The following BICRA variants were observed in gnomAD, a reference collection of about 807,000 sequenced individuals.
BICRA encodes BRD4-interacting chromatin-remodeling complex-associated protein.
BICRA carries 31 observed loss-of-function variants against 96.9 expected under a neutral mutation model. That is an observed-to-expected ratio of 0.32 (90% CI 0.24 to 0.43). The LOEUF is 0.43. Ranked by LOEUF, BICRA falls within the 20% of genes least tolerant of loss-of-function variation. The pLI is 1.00. For missense variants in BICRA, 2,283 were observed against 2,190.3 expected (o/e 1.04, Z -0.84); for synonymous variants, 1,350 against 1,071.8 (o/e 1.26, Z -5.07).
At chr19:47,679,268 C>G in intron 5 of BICRA, 53 bp from the exon 6 acceptor site, 2 of 1,348,944 alleles carry the variant, frequency 1.5e-6, no homozygotes, top group Non-Finnish European at 1.9e-6. Flanking sequence ...GTGGCCTAAG[C>G]GTAGCCCCTT....
intron 1 of BICRA, among the ~76,000 whole-genome samples, chr19:47,615,124 C>T (rs1021786168): frequency 6.6e-6 from 1 of 152,180 alleles, no homozygotes; most frequent in African/African-American, 2.4e-5. Context: ...GCTGGGACTA[C>T]AGGTGCACGC....
intron 7 of BICRA, among the ~76,000 whole-genome samples, chr19:47,690,773 A>T (rs1973229250): frequency 6.9e-6 from 1 of 145,762 alleles, no homozygotes; most frequent in South Asian, 2.3e-4. Flanking sequence ...GTCATTTGGC[A>T]TGTGACTTAA....
At chr19:47,682,188 G>T in intron 7 of BICRA, 36 bp downstream of exon 7, 1 of 989,436 alleles carries the variant, frequency 1.0e-6, no homozygotes, top group South Asian at 1.6e-5. Flanking sequence ...CCGCAGCACA[G>T]ACCCAGCCTC....
chr19:47,651,533 T>C (rs1599818051), intron 1 of BICRA, among the ~76,000 whole-genome samples: 1 of 152,106 alleles, frequency 6.6e-6, no homozygotes, highest in Non-Finnish European at 1.5e-5. Context: ...AGGGTCTGAC[T>C]CCTGCCGGTA....
At chr19:47,697,723 CCA>C (rs1973369446) in intron 11 of BICRA, among the ~76,000 whole-genome samples, 1 of 152,066 alleles carries the variant, frequency 6.6e-6, no homozygotes, top group Non-Finnish European at 1.5e-5. Context: ...GGTGACCCAC[CCA>C]TCTCAGCCTC....
chr19:47,694,288 GCACCCTTGCCCCC>G lies in BICRA; in HGVS notation c.2463_2475del (p.Cys822ArgfsTer16). On this transcript the variant is annotated frameshift_variant, in exon 8 of 15. Transcript: ENST00000594866. LOFTEE classifies it high-confidence loss of function. ...CCCGCCCTCCCTCAGAGCCACCCTTGCACCCTTGCCCCCCACCCCAGGCCCCCCCAACTCTGCC... is the reference window on the plus strand; with the variant it reads ...CCCGCCCTCCCTCAGAGCCACCCTTGCACCCCAGGCCCCCCCAACTCTGCC... The G allele has an allele frequency of 1.6e-6, 1 of 637,382 alleles. No homozygotes were observed. Among genetic ancestry groups the G allele is most frequent in the South Asian group, 1.6e-5 (1 of 60,784 alleles). The allele number at this position is 637,382 out of a possible 1,614,324, so 39.5% of individuals were successfully genotyped here. A position where few individuals can be genotyped will look rare whatever the true frequency, so the allele number is the denominator to read the frequency against.
chr19:47,694,861 C>T, intron 8 of BICRA, 39 bp from the exon 9 acceptor site: 6 of 1,435,554 alleles, frequency 4.2e-6, no homozygotes, highest in Non-Finnish European at 5.6e-6. Flanking sequence ...TACACCTAGC[C>T]TATGTTCCCC....
rs778187260 is a variant in BICRA, at chr19:47,694,366, G to A, written c.2535G>A (p.Pro845=). The A allele has an allele frequency of 1.1e-5, 12 of 1,107,138 alleles. No homozygotes were observed. In the East Asian group the frequency reaches 1.3e-4, roughly 12 times the overall value. 68.6% of individuals were successfully genotyped at this position (1,107,138 alleles called of 1,614,324 possible). ...FVIQNQLGVP[P]PASNPAPTAP... is the part of the protein sequence containing the mutation. The stretch of plus-strand genomic sequence containing the variant: ...TCCAAAACCAGCTAGGCGTTCCCCC[G>A]CCTGCCAGCAACCCGGCCCCTACTG... The change falls in exon 8 of 15, where the codon CCG becomes CCA. Residue 845 remains proline, a synonymous_variant. Transcript: ENST00000594866.
intron 1 of BICRA, among the ~76,000 whole-genome samples, chr19:47,620,628 C>CCACTGCA (rs1972050007): frequency 2.1e-5 from 3 of 142,410 alleles, no homozygotes; most frequent in Non-Finnish European, 3.0e-5. Flanking sequence ...TGTGATCATA[C>CCACTGCA]CACTGCACTT....
chr19:47,654,546 A>T (rs1209829232), intron 1 of BICRA, among the ~76,000 whole-genome samples: 1 of 152,042 alleles, frequency 6.6e-6, no homozygotes, highest in Admixed American at 6.6e-5. Flanking sequence ...CAGTGGCACG[A>T]TCTCAGCTCA....
At position 47,679,834 on chromosome 19, in the gene BICRA, C is replaced by G; in HGVS notation, c.664C>G (p.Pro222Ala). The change falls in exon 6 of 15, where the codon CCT becomes GCT. Residue 222 changes from proline to alanine, a missense_variant. By Grantham distance (27) the Pro-to-Ala change is conservative. Transcript: ENST00000594866. ...CCTCCAAGGCCTGCCCAATGGCAGC[C>G]CTGGGGGTGCCACGGCGGCCACACT... ...PGLQGLPNGSPGGATAATLGL... is the reference protein window; with the variant it reads ...PGLQGLPNGSAGGATAATLGL... The G allele has an allele frequency of 6.7e-7, 1 of 1,489,618 alleles. No individual in the cohort carries two copies. The highest frequency in any genetic ancestry group is 8.9e-7 in the Non-Finnish European group (1 of 1,125,068). The allele number at this position is 1,489,618 out of a possible 1,614,324, so 92.3% of individuals were successfully genotyped here. A position where few individuals can be genotyped will look rare whatever the true frequency, so the allele number is the denominator to read the frequency against.
In BICRA at chr19:47,634,516, C is replaced by T. The variant is rs144310918; in HGVS notation, c.-108+25348C>T. On this transcript the variant is annotated intron_variant, in intron 1 of 14. Coordinates refer to ENST00000594866, the MANE Select transcript of BICRA (RefSeq NM_001394372.1). ...ACTGGCACGCTGTCTGCAGCCTGTA[C>T]CACTTTGCGAAACTCACTAGGTTGT... Among the ~76,000 whole-genome samples, 441 of 152,270 alleles carry T rather than the reference C, an allele frequency of 2.9e-3. 2 individuals carry two copies. The highest frequency in any genetic ancestry group is 5.2e-3 in the Non-Finnish European group (351 of 68,038).
At chr19:47,672,130 AGATG>A (rs1462936434) in intron 2 of BICRA, among the ~76,000 whole-genome samples, 4 of 80,322 alleles carry the variant, frequency 5.0e-5, no homozygotes, top group South Asian at 4.0e-4. Context: ...ATGGGTAGGT[AGATG>A]GATGGAAGGA....
Position 47,694,623 on chromosome 19 carries a change from A to G in BICRA, c.2792A>G (p.Glu931Gly). 1 of 1,548,946 alleles carries G rather than the reference A, an allele frequency of 6.5e-7. No individual in the cohort carries two copies. The highest frequency in any genetic ancestry group is 8.8e-7 in the Non-Finnish European group (1 of 1,130,594). ...CCTCCAACCCTCCACCTGGTCCCTG[A>G]GCCGGCAGCACCCCCCCCACCGCCT... ...TPPPTLHLVPEPAAPPPPPPR... is the reference protein window; with the variant it reads ...TPPPTLHLVPGPAAPPPPPPR... The change falls in exon 8 of 15, where the codon GAG becomes GGG. Residue 931 changes from glutamate (E) to glycine (G), a missense_variant. Transcript: ENST00000594866.
At chr19:47,658,643 AAAAAAAAAAAGC>A (rs1310372862) in intron 1 of BICRA, among the ~76,000 whole-genome samples, 7 of 151,658 alleles carry the variant, frequency 4.6e-5, no homozygotes, top group Admixed American at 4.6e-4. Context: ...AAAAAAAAAA[AAAAAAAAAAAGC>A]AGCAGCAGCT....
At chr19:47,672,456 G>A (rs1233343396) in intron 2 of BICRA, among the ~76,000 whole-genome samples, 1 of 152,004 alleles carries the variant, frequency 6.6e-6, no homozygotes, top group Non-Finnish European at 1.5e-5. Context: ...TGGAAAGATG[G>A]AGGGAGGAGG....
At chr19:47,610,347 G>GGCAAGGAGCCGCGGGAGAGCTA (rs1568542904) in intron 1 of BICRA, among the ~76,000 whole-genome samples, 1 of 152,104 alleles carries the variant, frequency 6.6e-6, no homozygotes, top group Non-Finnish European at 1.5e-5. Context: ...CGGGAGGACC[G>GGCAAGGAGCCGCGGGAGAGCTA]GGCAAGGAGC....
chr19:47,682,337 G>T (rs867632206), intron 7 of BICRA, among the ~76,000 whole-genome samples, 185 bp downstream of exon 7: 3 of 152,196 alleles, frequency 2.0e-5, no homozygotes, highest in Non-Finnish European at 4.4e-5. Context: ...GGCCGGCCCT[G>T]GGGGAGCCCA....
intron 2 of BICRA, among the ~76,000 whole-genome samples, chr19:47,672,958 C>T (rs1239577409): frequency 1.3e-5 from 2 of 152,160 alleles, no homozygotes; most frequent in Non-Finnish European, 2.9e-5. Flanking sequence ...CCACCACCCT[C>T]CCCTTCCTTG....
Sources: gnomAD v4.1 joint callset for allele counts (sites outside exome capture counted in the v4.1 genomes callset) on GRCh38, gnomAD v4.1.1 for gene constraint, MANE v1.5 for transcripts, NCBI Gene and HGNC (gene_info 2026-07-23, HGNC 2026-07-21) for gene names.